ITPR1: variants seen among roughly 807,000 people sequenced by gnomAD.
ITPR1 encodes the protein inositol 1,4,5-trisphosphate receptor type 1.
ITPR1 carries 96 observed loss-of-function variants against 318.4 expected under a neutral mutation model. The observed-to-expected ratio is 0.30, with a 90% confidence interval of 0.26 to 0.36. The LOEUF is 0.36. Ranked by LOEUF, ITPR1 falls within the 10% of genes least tolerant of loss-of-function variation. ITPR1 has a pLI of 1.00. For synonymous variants in ITPR1, 1,312 were observed against 1,289.9 expected, an observed-to-expected ratio of 1.02 and a Z score of -0.37; for missense variants, 2,440 against 3,460.2, an observed-to-expected ratio of 0.71 and a Z score of 7.40.
At chr3:4,571,887 C>G (rs1222859648) in intron 4 of ITPR1, among the ~76,000 whole-genome samples, 1 of 152,194 alleles carries the variant, frequency 6.6e-6, no homozygotes, top group Non-Finnish European at 1.5e-5. Context: ...CTCTGCCCCA[C>G]TCCCTACTCT....
chr3:4,562,950 T>C (rs966889771), intron 4 of ITPR1, among the ~76,000 whole-genome samples: 7 of 12,318 alleles, frequency 5.7e-4, no homozygotes, highest in Non-Finnish European at 9.4e-4. Context: ...GCAGCATGAC[T>C]GGGGGTGGGA....
intron 57 of ITPR1, among the ~76,000 whole-genome samples, chr3:4,813,543 G>A (rs924062985): frequency 6.6e-6 from 1 of 152,192 alleles, no homozygotes. Flanking sequence ...GTTGCCCAAT[G>A]CTGGGAATAA....
At chr3:4,581,262 C>G (rs1287493679) in intron 4 of ITPR1, among the ~76,000 whole-genome samples, 1 of 152,124 alleles carries the variant, frequency 6.6e-6, no homozygotes, top group Non-Finnish European at 1.5e-5. Context: ...ACAGAGAGGC[C>G]CATGTGAGTC....
At chr3:4,807,092 GCTT>G (rs2048606103) in intron 55 of ITPR1, among the ~76,000 whole-genome samples, 2 of 69,202 alleles carry the variant, frequency 2.9e-5, no homozygotes, top group African/African-American at 1.1e-4. Flanking sequence ...AGAGAGGGGG[GCTT>G]ACAAAGAGAG....
intron 4 of ITPR1, among the ~76,000 whole-genome samples, chr3:4,594,181 CTGG>C (rs1308403957): frequency 6.6e-6 from 1 of 152,198 alleles, no homozygotes; most frequent in African/African-American, 2.4e-5. Flanking sequence ...CAGGGACTCA[CTGG>C]TACAGAAGAA....
chr3:4,820,520 C>A (rs990956426), intron 60 of ITPR1, among the ~76,000 whole-genome samples: 1 of 152,226 alleles, frequency 6.6e-6, no homozygotes, highest in African/African-American at 2.4e-5. Context: ...CCAGAGTGAC[C>A]TGTAGCCCGC....
In ITPR1 at chr3:4,681,362, A is replaced by T; in HGVS notation, c.3107-2A>T. Reference sequence around the variant, plus strand: ...CTGAAGTGGTATGTTCTAACTTTTCAGGTGCTCTTGACTTTGAACACATTG... The same window carrying T: ...CTGAAGTGGTATGTTCTAACTTTTCTGGTGCTCTTGACTTTGAACACATTG... On this transcript the variant is annotated splice_acceptor_variant, in intron 25 of 61. Coordinates refer to ENST00000649015, the MANE Select transcript of ITPR1 (RefSeq NM_001378452.1). LOFTEE classifies it high-confidence loss of function. 6.2e-7 allele frequency: 1 copy of T among 1,609,756 alleles called. No homozygotes were observed. The highest frequency in any genetic ancestry group is 8.5e-7 in the Non-Finnish European group (1 of 1,176,250).
At chr3:4,534,711 G>A (rs2083703879) in intron 4 of ITPR1, among the ~76,000 whole-genome samples, 1 of 152,156 alleles carries the variant, frequency 6.6e-6, no homozygotes, top group African/African-American at 2.4e-5. Context: ...TGGATGTTTT[G>A]TGCTGCTAAA....
intron 4 of ITPR1, among the ~76,000 whole-genome samples, chr3:4,594,523 G>C (rs1209923107): frequency 6.6e-6 from 1 of 152,140 alleles, no homozygotes; most frequent in Non-Finnish European, 1.5e-5. Context: ...CAAATCCCTT[G>C]TCTCTACTCT....
At chr3:4,678,096 T>G (rs528591060) in intron 24 of ITPR1, among the ~76,000 whole-genome samples, 1 of 152,156 alleles carries the variant, frequency 6.6e-6, no homozygotes, top group Non-Finnish European at 1.5e-5. Context: ...TCATAAATGT[T>G]TAAGATCTGG....
chr3:4,655,641 A>G (rs1265166376), intron 12 of ITPR1, among the ~76,000 whole-genome samples: 1 of 152,206 alleles, frequency 6.6e-6, no homozygotes, highest in Non-Finnish European at 1.5e-5. Flanking sequence ...AGGAGGAAGC[A>G]GCCGTTGAGA....
chr3:4,505,371 T>C (rs976895869), intron 2 of ITPR1, among the ~76,000 whole-genome samples: 1 of 152,164 alleles, frequency 6.6e-6, no homozygotes, highest in African/African-American at 2.4e-5. Context: ...TTTTGTATTC[T>C]TAGTAAAGAC....
chr3:4,837,067 G>A, intron 61 of ITPR1, 132 bp downstream of exon 61: 1 of 719,690 alleles, frequency 1.4e-6, no homozygotes, highest in Non-Finnish European at 2.1e-6. Flanking sequence ...GGCAACAGGG[G>A]ACAAACCCAC....
chr3:4,613,808 A>C (rs1428797808), intron 4 of ITPR1, among the ~76,000 whole-genome samples: 1 of 152,128 alleles, frequency 6.6e-6, no homozygotes, highest in Non-Finnish European at 1.5e-5. Flanking sequence ...TCATATATGC[A>C]TGTGTATACA....
chr3:4,763,372 T>C (rs2045588272), intron 44 of ITPR1, among the ~76,000 whole-genome samples: 1 of 152,148 alleles, frequency 6.6e-6, no homozygotes. Flanking sequence ...TTAAAAAGTT[T>C]CTAAAAATTA....
intron 42 of ITPR1, 122 bp downstream of exon 42, chr3:4,727,295 C>G (rs1248297450): frequency 1.5e-6 from 1 of 671,258 alleles, no homozygotes; most frequent in Non-Finnish European, 2.4e-6. Context: ...CATTAATTGA[C>G]TCAAGAGCAA....
intron 61 of ITPR1, among the ~76,000 whole-genome samples, chr3:4,842,664 G>C (rs2051440417): frequency 6.6e-6 from 1 of 151,998 alleles, no homozygotes; most frequent in African/African-American, 2.4e-5. Flanking sequence ...GCCGTTTTGA[G>C]GATTTTTAAA....
intron 4 of ITPR1, among the ~76,000 whole-genome samples, chr3:4,614,769 A>C (rs2092318241): frequency 6.6e-6 from 1 of 152,236 alleles, no homozygotes; most frequent in South Asian, 2.1e-4. Context: ...TTCAGCACAT[A>C]GACAAGGCTG....
chr3:4,507,971 G>A (rs1443378006), intron 2 of ITPR1, among the ~76,000 whole-genome samples: 1 of 152,130 alleles, frequency 6.6e-6, no homozygotes, highest in Non-Finnish European at 1.5e-5. Flanking sequence ...CGTGTGTCTT[G>A]GGTCAGTGAT....
Sources: allele counts gnomAD v4.1 joint callset (sites outside exome capture counted in the v4.1 genomes callset), GRCh38; gene constraint gnomAD v4.1.1; transcripts MANE v1.5; gene names NCBI Gene and HGNC (gene_info 2026-07-23, HGNC 2026-07-21).